Variants in CREB5 observed in about 807,000 individuals in gnomAD.
The protein encoded by CREB5 is cAMP responsive element binding protein 5, also known as cyclic AMP-responsive element-binding protein 5.
In CREB5, 19 loss-of-function variants were observed where a neutral mutation model predicts 57.1. That is an observed-to-expected ratio of 0.33 (90% CI 0.23 to 0.49). CREB5 has a LOEUF of 0.49. Among genes scored for constraint, CREB5 ranks in the 20% least tolerant of loss-of-function variants. The pLI is 0.99. For synonymous variants in CREB5, 238 were observed against 238.3 expected, an observed-to-expected ratio of 1.00 and a Z score of 0.01; for missense variants, 579 against 671.6, an observed-to-expected ratio of 0.86 and a Z score of 1.52.
intron 1 of CREB5, among the ~76,000 whole-genome samples, chr7:28,464,218 G>A (rs1790464324): frequency 6.6e-6 from 1 of 152,082 alleles, no homozygotes; most frequent in Non-Finnish European, 1.5e-5. Flanking sequence ...ATATGTTGCT[G>A]GATTTGGGTT....
chr7:28,413,156 T>C (rs1356856757), intron 1 of CREB5, among the ~76,000 whole-genome samples: 1 of 151,676 alleles, frequency 6.6e-6, no homozygotes, highest in Non-Finnish European at 1.5e-5. Flanking sequence ...AGGTAAAATA[T>C]GTTCAGAAGC....
intron 5 of CREB5, among the ~76,000 whole-genome samples, chr7:28,691,900 G>A (rs1291950659): frequency 6.6e-6 from 1 of 151,916 alleles, no homozygotes; most frequent in East Asian, 1.9e-4. Flanking sequence ...TGGGCGTGGT[G>A]GCTCACACCT....
At chr7:28,476,861 G>T (rs982263326) in intron 1 of CREB5, among the ~76,000 whole-genome samples, 1 of 141,124 alleles carries the variant, frequency 7.1e-6, no homozygotes, top group Non-Finnish European at 1.5e-5. Context: ...AAACAGTTTT[G>T]CTTTCTCATG....
At chr7:28,504,652 T>A (rs13231028) in intron 3 of CREB5, among the ~76,000 whole-genome samples, 44,134 of 152,034 alleles carry the variant, frequency 0.29, 7,371 homozygotes, top group Non-Finnish European at 0.36. Flanking sequence ...TGTTACTGCT[T>A]TTGTAAATCT....
chr7:28,770,107 T>C (rs1487677998), intron 7 of CREB5, among the ~76,000 whole-genome samples: 1 of 152,096 alleles, frequency 6.6e-6, no homozygotes, highest in East Asian at 1.9e-4. Flanking sequence ...CTGTCTCTAA[T>C]GGAAAATTTA....
chr7:28,441,819 A>G (rs1789195988), intron 1 of CREB5, among the ~76,000 whole-genome samples: 1 of 152,242 alleles, frequency 6.6e-6, no homozygotes, highest in South Asian at 2.1e-4. Context: ...GTTTTTAAAA[A>G]CTTTTTTAAA....
chr7:28,331,759 G>A (rs1043129775), intron 1 of CREB5, among the ~76,000 whole-genome samples: 13 of 149,178 alleles, frequency 8.7e-5, no homozygotes, highest in African/African-American at 3.2e-4. Flanking sequence ...TGAGGCAGGA[G>A]AAGTGCTTGA....
chr7:28,352,613 A>G (rs548828862), intron 1 of CREB5, among the ~76,000 whole-genome samples: 1 of 152,360 alleles, frequency 6.6e-6, no homozygotes, highest in East Asian at 1.9e-4. Context: ...CAAAGTCACA[A>G]GATGACTGCC....
chr7:28,723,147 C>A (rs1383239200), intron 6 of CREB5, among the ~76,000 whole-genome samples: 2 of 152,172 alleles, frequency 1.3e-5, no homozygotes, highest in African/African-American at 2.4e-5. Flanking sequence ...TTTTCATTTC[C>A]ATCCGTTGGC....
chr7:28,716,542 G>T (rs1056584744), intron 5 of CREB5, among the ~76,000 whole-genome samples: 1 of 152,176 alleles, frequency 6.6e-6, no homozygotes, highest in Admixed American at 6.5e-5. Context: ...ATATGTTGGG[G>T]TCCTCTCAGT....
intron 5 of CREB5, among the ~76,000 whole-genome samples, chr7:28,587,909 C>T (rs1268938548): frequency 2.0e-5 from 3 of 152,160 alleles, no homozygotes; most frequent in Non-Finnish European, 4.4e-5. Context: ...ATCCCATTTC[C>T]TGACTGCTTT....
intron 1 of CREB5, among the ~76,000 whole-genome samples, chr7:28,360,201 C>T (rs541683486): frequency 6.6e-6 from 1 of 152,280 alleles, no homozygotes; most frequent in South Asian, 2.1e-4. Context: ...ACCACATGGT[C>T]CACAATCTAC....
intron 1 of CREB5, among the ~76,000 whole-genome samples, chr7:28,449,122 A>G (rs1026268069): frequency 2.6e-5 from 4 of 152,162 alleles, no homozygotes; most frequent in African/African-American, 9.7e-5. Flanking sequence ...CATGGAAGCA[A>G]AGTATATCAT....
At chr7:28,398,142 A>G (rs559056203) in intron 1 of CREB5, among the ~76,000 whole-genome samples, 38 of 151,986 alleles carry the variant, frequency 2.5e-4, no homozygotes, top group Non-Finnish European at 5.0e-4. Context: ...AACTCATGAA[A>G]CCTGAGATTA....
At chr7:28,597,012 CAT>C (rs994218407) in intron 5 of CREB5, among the ~76,000 whole-genome samples, 4 of 152,150 alleles carry the variant, frequency 2.6e-5, no homozygotes, top group Non-Finnish European at 4.4e-5. Context: ...TGAAACCTGA[CAT>C]GTGTGACGTT....
intron 4 of CREB5, among the ~76,000 whole-genome samples, chr7:28,534,424 A>G (rs945255740): frequency 2.0e-5 from 3 of 152,020 alleles, no homozygotes; most frequent in African/African-American, 7.2e-5. Context: ...GGCTGGGTGG[A>G]CCCCTTGCCT....
intron 5 of CREB5, among the ~76,000 whole-genome samples, chr7:28,638,342 A>ATTCTTTT (rs1798512175): frequency 6.9e-6 from 1 of 145,448 alleles, no homozygotes; most frequent in African/African-American, 2.6e-5. Flanking sequence ...AGGTTTGCAT[A>ATTCTTTT]TTCTTTTTTC....
At chr7:28,812,272 T>TTGACTGTGATCCTAATGCATGCAAAC (rs1470560794) in intron 9 of CREB5, among the ~76,000 whole-genome samples, 3 of 152,190 alleles carry the variant, frequency 2.0e-5, no homozygotes, top group African/African-American at 7.2e-5. Flanking sequence ...CTTCAGGGTA[T>TTGACTGTGATCCTAATGCATGCAAAC]TGACTGTGAT....
At chr7:28,680,768 C>CAA (rs539406574) in intron 5 of CREB5, among the ~76,000 whole-genome samples, 1,824 of 134,118 alleles carry the variant, frequency 0.014, 26 homozygotes, top group African/African-American at 0.041. Context: ...CAACCTATCT[C>CAA]AAAAAAAAAA....
Sources: allele counts gnomAD v4.1 joint callset (sites outside exome capture counted in the v4.1 genomes callset), GRCh38; gene constraint gnomAD v4.1.1; transcripts MANE v1.5; gene names NCBI Gene and HGNC (gene_info 2026-07-23, HGNC 2026-07-21).